TANC2: variants seen among roughly 807,000 people sequenced by gnomAD.
TANC2 encodes protein TANC2.
Under a neutral mutation model 210.5 loss-of-function variants are expected in TANC2, and 26 were observed. That is an observed-to-expected ratio of 0.12 (90% CI 0.09 to 0.17). TANC2 has a LOEUF of 0.17. Among genes scored for constraint, TANC2 ranks in the 10% least tolerant of loss-of-function variants. The pLI is 1.00. For synonymous variants in TANC2, 931 were observed against 967.1 expected (o/e 0.96, Z 0.69); for missense variants, 2,129 against 2,608.9 (o/e 0.82, Z 4.01).
chr17:63,142,387 A>C (rs934956797), intron 4 of TANC2, among the ~76,000 whole-genome samples: 1 of 152,130 alleles, frequency 6.6e-6, no homozygotes, highest in Non-Finnish European at 1.5e-5. Context: ...TGTTGGCTTA[A>C]AGTTGTTATT....
At chr17:63,369,017 G>A (rs1383040124) in intron 14 of TANC2, among the ~76,000 whole-genome samples, 1 of 152,154 alleles carries the variant, frequency 6.6e-6, no homozygotes, top group Non-Finnish European at 1.5e-5. Flanking sequence ...TCCTAGTAGG[G>A]CTCAGGAGCT....
rs1378177925 is a variant in TANC2, at chr17:63,413,533, T to C, written c.3929-10T>C. On this transcript the variant is annotated splice_polypyrimidine_tract_variant and intron_variant, in intron 24 of 27. Transcript: ENST00000689528. ...AGTTTTTTACCCATCATGCATCCTG[T>C]ACACTACAGGTCCAGCCACATGGGC... is the stretch of plus-strand genomic sequence containing the variant. 1 of 1,583,634 alleles carries C rather than the reference T, an allele frequency of 6.3e-7. No individual in the cohort carries two copies. The highest frequency in any genetic ancestry group is 1.3e-5 in the African/African-American group (1 of 74,282).
At chr17:63,164,270 G>T (rs991259573) in intron 5 of TANC2, among the ~76,000 whole-genome samples, 1 of 151,832 alleles carries the variant, frequency 6.6e-6, no homozygotes, top group Non-Finnish European at 1.5e-5. Context: ...AAAATACTGG[G>T]ATTACAGGTG....
At position 63,351,579 on chromosome 17, in the gene TANC2, A is replaced by G. The variant is rs79101670; in HGVS notation, c.1974+163A>G. On this transcript the variant is annotated intron_variant, in intron 13 of 27. Coordinates refer to ENST00000689528, the Ensembl canonical transcript of TANC2. The stretch of plus-strand genomic sequence containing the variant: ...TAATATTTTGAGAGATATGATCTAG[A>G]AAGACATTCTTTATACGTGACTCTC... 5.7e-3 allele frequency among the ~76,000 whole-genome samples: 861 copies of G among 152,272 alleles called. 12 individuals carry two copies. Among genetic ancestry groups the G allele is most frequent in the African/African-American group, 0.02 (825 of 41,566 alleles).
chr17:63,276,860 A>G (rs1209714829), intron 9 of TANC2, among the ~76,000 whole-genome samples: 1 of 152,096 alleles, frequency 6.6e-6, no homozygotes, highest in Non-Finnish European at 1.5e-5. Flanking sequence ...AATCCTCACA[A>G]CTCTTTAAGT....
intron 19 of TANC2, among the ~76,000 whole-genome samples, chr17:63,403,346 T>C (rs1486069833): frequency 6.6e-6 from 1 of 152,214 alleles, no homozygotes; most frequent in Non-Finnish European, 1.5e-5. Context: ...GAGTTTAGAA[T>C]GTGGGTTAGA....
chr17:63,260,830 T>G (rs2043334676), intron 8 of TANC2, among the ~76,000 whole-genome samples: 1 of 152,148 alleles, frequency 6.6e-6, no homozygotes, highest in Non-Finnish European at 1.5e-5. Context: ...ATCATGTATA[T>G]GAAAGGGACT....
At chr17:63,403,537 A>G (rs1360617750) in intron 19 of TANC2, among the ~76,000 whole-genome samples, 1 of 152,208 alleles carries the variant, frequency 6.6e-6, no homozygotes, top group Non-Finnish European at 1.5e-5. Context: ...ATATTTAAAA[A>G]ACAAGAGATA....
intron 6 of TANC2, among the ~76,000 whole-genome samples, chr17:63,198,876 TA>T (rs751122244): frequency 7.2e-5 from 11 of 152,186 alleles, no homozygotes; most frequent in Non-Finnish European, 1.5e-4. Flanking sequence ...TCTGGAGAGA[TA>T]ACATATAGTA....
intron 7 of TANC2, among the ~76,000 whole-genome samples, chr17:63,210,251 TC>T (rs2041844060): frequency 6.6e-6 from 1 of 152,236 alleles, no homozygotes; most frequent in Non-Finnish European, 1.5e-5. Context: ...CTCTCTCTGT[TC>T]CTTGACTCCT....
chr17:63,305,871 G>A (rs551494030), intron 9 of TANC2, among the ~76,000 whole-genome samples: 1 of 152,338 alleles, frequency 6.6e-6, no homozygotes, highest in Admixed American at 6.5e-5. Context: ...GGAGCAGTTT[G>A]TCAGGGTACT....
intron 1 of TANC2, among the ~76,000 whole-genome samples, chr17:62,977,151 A>G (rs1335067482): frequency 1.3e-5 from 2 of 152,226 alleles, no homozygotes; most frequent in Non-Finnish European, 2.9e-5. Flanking sequence ...AGCCCCAGGG[A>G]ACAAGCATTC....
chr17:63,213,980 A>C (rs950456169), intron 7 of TANC2, among the ~76,000 whole-genome samples: 1 of 152,206 alleles, frequency 6.6e-6, no homozygotes, highest in Non-Finnish European at 1.5e-5. Context: ...AGCGTGAAGG[A>C]AAGGGGGAGT....
chr17:63,051,728 T>C (rs1033404916), intron 2 of TANC2, among the ~76,000 whole-genome samples: 8 of 152,192 alleles, frequency 5.3e-5, no homozygotes, highest in African/African-American at 1.9e-4. Context: ...ATTCTTTCAC[T>C]CTCAGTACAG....
intron 9 of TANC2, among the ~76,000 whole-genome samples, chr17:63,291,034 G>C (rs1388110082): frequency 1.3e-5 from 2 of 151,798 alleles, no homozygotes; most frequent in Non-Finnish European, 1.5e-5. Flanking sequence ...AATTCATACT[G>C]TCCTCTCTAA....
At chr17:63,397,733 T>C (rs2048214716) in intron 18 of TANC2, among the ~76,000 whole-genome samples, 1 of 152,228 alleles carries the variant, frequency 6.6e-6, no homozygotes. Flanking sequence ...ACAATCAATA[T>C]AAATAACCTC....
At chr17:63,080,085 G>A (rs2036716797) in intron 3 of TANC2, among the ~76,000 whole-genome samples, 2 of 152,000 alleles carry the variant, frequency 1.3e-5, no homozygotes, top group African/African-American at 4.8e-5. Flanking sequence ...TTGTCTATTG[G>A]GTCTCCATTT....
intron 11 of TANC2, among the ~76,000 whole-genome samples, chr17:63,336,415 A>G (rs1346950514): frequency 2.0e-5 from 3 of 152,254 alleles, no homozygotes; most frequent in Non-Finnish European, 2.9e-5. Flanking sequence ...AAAATGGTCT[A>G]TGGAGAGTGA....
intron 3 of TANC2, among the ~76,000 whole-genome samples, chr17:63,087,558 TAAG>T (rs2037020855): frequency 2.6e-5 from 4 of 152,320 alleles, no homozygotes; most frequent in South Asian, 4.1e-4. Context: ...TCCTGATGGT[TAAG>T]AAGAATACCA....
Sources: gnomAD v4.1 joint callset for allele counts (sites outside exome capture counted in the v4.1 genomes callset) on GRCh38, gnomAD v4.1.1 for gene constraint, MANE v1.5 for transcripts, NCBI Gene and HGNC (gene_info 2026-07-23, HGNC 2026-07-21) for gene names.